Variants in KALRN observed in about 807,000 individuals in gnomAD.
KALRN encodes kalirin RhoGEF kinase.
In KALRN, 70 loss-of-function variants were observed where a neutral mutation model predicts 353.7. The ratio of observed to expected loss-of-function variants is 0.20; its 90% CI spans 0.16 to 0.24. KALRN has a LOEUF of 0.24. Among genes scored for constraint, KALRN ranks in the 10% least tolerant of loss-of-function variants. The pLI is 1.00. For missense variants in KALRN, 2,791 were observed against 3,756.7 expected, an observed-to-expected ratio of 0.74 and a Z score of 6.72; for synonymous variants, 1,391 against 1,434.8, an observed-to-expected ratio of 0.97 and a Z score of 0.69.
intron 10 of KALRN, 82 bp from the exon 11 acceptor site, chr3:124,384,763 G>T: frequency 7.3e-7 from 1 of 1,375,372 alleles, no homozygotes. Context: ...ACGCCCCTCC[G>T]CTTCAGCTCC....
At chr3:124,534,481 G>A (rs1225117535) in intron 33 of KALRN, among the ~76,000 whole-genome samples, 4 of 152,168 alleles carry the variant, frequency 2.6e-5, no homozygotes, top group Non-Finnish European at 4.4e-5. Flanking sequence ...CATGGCACAT[G>A]TATACCTATA....
At chr3:124,714,673 C>T (rs886447801) in intron 58 of KALRN, among the ~76,000 whole-genome samples, 20 of 152,068 alleles carry the variant, frequency 1.3e-4, no homozygotes, top group African/African-American at 3.1e-4. Context: ...GTCGGGGGAA[C>T]AAAGTTATAG....
chr3:124,295,840 CT>C (rs2076803378), intron 5 of KALRN, among the ~76,000 whole-genome samples: 2 of 152,130 alleles, frequency 1.3e-5, no homozygotes, highest in African/African-American at 4.8e-5. Flanking sequence ...AAATTCCTGT[CT>C]TCTTTTCCTT....
chr3:124,382,683 A>T (rs2087568938), intron 10 of KALRN, among the ~76,000 whole-genome samples: 1 of 152,204 alleles, frequency 6.6e-6, no homozygotes. Context: ...TCTACAGAAT[A>T]TAAAGCTACA....
chr3:124,158,274 G>C (rs555084962), intron 1 of KALRN, among the ~76,000 whole-genome samples: 430 of 152,318 alleles, frequency 2.8e-3, no homozygotes, highest in Non-Finnish European at 5.3e-3. Context: ...GAAGGACCTA[G>C]ATGGGAACAT....
chr3:124,118,903 C>T (rs1436925386), intron 1 of KALRN, among the ~76,000 whole-genome samples: 1 of 152,162 alleles, frequency 6.6e-6, no homozygotes, highest in Non-Finnish European at 1.5e-5. Flanking sequence ...ACAAGTAGGA[C>T]GTGGCCAGAT....
intron 37 of KALRN, among the ~76,000 whole-genome samples, chr3:124,642,814 T>TTGTTGTTGTTTTTTTTTGTTTTG (rs1295983829): frequency 3.9e-5 from 4 of 102,208 alleles, no homozygotes; most frequent in Non-Finnish European, 9.0e-5. Flanking sequence ...TCGTTTTTTT[T>TTGTTGTTGTTTTTTTTTGTTTTG]TTTTTTTTTT....
At chr3:124,158,337 T>C (rs769702836) in intron 1 of KALRN, among the ~76,000 whole-genome samples, 1 of 152,210 alleles carries the variant, frequency 6.6e-6, no homozygotes, top group Non-Finnish European at 1.5e-5. Flanking sequence ...ACTGAGGAGA[T>C]GATAATTGCT....
intron 27 of KALRN, among the ~76,000 whole-genome samples, chr3:124,481,141 T>A (rs1476653903): frequency 2.6e-5 from 4 of 152,134 alleles, no homozygotes; most frequent in Admixed American, 1.3e-4. Flanking sequence ...TGCTGTTAGG[T>A]ATATATATTA....
At chr3:124,316,937 G>A (rs2078870835) in intron 6 of KALRN, among the ~76,000 whole-genome samples, 1 of 152,176 alleles carries the variant, frequency 6.6e-6, no homozygotes, top group Admixed American at 6.5e-5. Context: ...CCTTAATCTT[G>A]AACTTTCTTG....
At chr3:124,091,958 T>C (rs888906769) in intron 1 of KALRN, among the ~76,000 whole-genome samples, 18 of 152,162 alleles carry the variant, frequency 1.2e-4, no homozygotes, top group African/African-American at 4.3e-4. Flanking sequence ...GTAAGACTTA[T>C]GAGGCTCTGT....
chr3:124,555,463 AAAGTT>A (rs1401700187), intron 33 of KALRN, among the ~76,000 whole-genome samples: 1 of 140,178 alleles, frequency 7.1e-6, no homozygotes, highest in Non-Finnish European at 1.5e-5. Flanking sequence ...ATAAATAAAT[AAAGTT>A]ATCTTGTTTA....
intron 4 of KALRN, among the ~76,000 whole-genome samples, chr3:124,265,312 T>TTTTTTTTTTTTTTA: frequency 1.4e-5 from 2 of 141,004 alleles, no homozygotes; most frequent in African/African-American, 5.3e-5. Context: ...TTTTTTTTTT[T>TTTTTTTTTTTTTTA]GAGATAGAGT....
intron 3 of KALRN, among the ~76,000 whole-genome samples, chr3:124,254,954 T>A (rs4678101): frequency 0.32 from 23,580 of 73,252 alleles, 2,294 homozygotes; most frequent in East Asian, 0.51. Flanking sequence ...ATATATATAT[T>A]TTTTTTTTGA....
At chr3:124,054,013 A>C (rs1259073324) in intron 1 of KALRN, among the ~76,000 whole-genome samples, 1 of 152,258 alleles carries the variant, frequency 6.6e-6, no homozygotes, top group East Asian at 1.9e-4. Context: ...ATATAGGGGT[A>C]AAGTCAGGCT....
At chr3:124,230,389 G>T (rs1375315583) in intron 2 of KALRN, among the ~76,000 whole-genome samples, 1 of 152,152 alleles carries the variant, frequency 6.6e-6, no homozygotes, top group Non-Finnish European at 1.5e-5. Context: ...ATTCCTCTGA[G>T]AATCATCCTA....
chr3:124,686,488 G>A (rs2061563279), intron 51 of KALRN, among the ~76,000 whole-genome samples: 1 of 152,154 alleles, frequency 6.6e-6, no homozygotes, highest in South Asian at 2.1e-4. Context: ...CTAATAGGAT[G>A]TGGGCAGTCT....
At chr3:124,231,043 C>A (rs1442200845) in intron 2 of KALRN, among the ~76,000 whole-genome samples, 1 of 152,208 alleles carries the variant, frequency 6.6e-6, no homozygotes, top group Non-Finnish European at 1.5e-5. Context: ...GAGAAACAGG[C>A]TGTTTGTTAA....
chr3:124,343,409 C>T (rs2081972643), intron 9 of KALRN, among the ~76,000 whole-genome samples: 1 of 152,172 alleles, frequency 6.6e-6, no homozygotes, highest in East Asian at 1.9e-4. Context: ...ATCCACCTGC[C>T]TCTGCCTCCC....
Sources: gnomAD v4.1 joint callset for allele counts (sites outside exome capture counted in the v4.1 genomes callset) on GRCh38, gnomAD v4.1.1 for gene constraint, MANE v1.5 for transcripts, NCBI Gene and HGNC (gene_info 2026-07-23, HGNC 2026-07-21) for gene names.